ARHGAP24: variants seen among roughly 807,000 people sequenced by gnomAD.
The protein encoded by ARHGAP24 is Rho GTPase activating protein 24.
Under a neutral mutation model 76.4 loss-of-function variants are expected in ARHGAP24, and 50 were observed. The ratio of observed to expected loss-of-function variants is 0.65; its 90% CI spans 0.52 to 0.83. The LOEUF is 0.83. Among genes scored for constraint, ARHGAP24 ranks in the 40% least tolerant of loss-of-function variants. ARHGAP24 has a pLI of 0.00. For missense variants in ARHGAP24, 930 were observed against 914.2 expected, an observed-to-expected ratio of 1.02 and a Z score of -0.22; for synonymous variants, 345 against 323.3, an observed-to-expected ratio of 1.07 and a Z score of -0.72.
At chr4:85,491,800 G>A (rs537437528) in intron 1 of ARHGAP24, among the ~76,000 whole-genome samples, 3 of 152,280 alleles carry the variant, frequency 2.0e-5, no homozygotes, top group Non-Finnish European at 4.4e-5. Context: ...TTAGCCTCAA[G>A]TTGAACTCCC....
At chr4:85,620,551 C>CT (rs1360607537) in intron 2 of ARHGAP24, among the ~76,000 whole-genome samples, 10 of 151,438 alleles carry the variant, frequency 6.6e-5, no homozygotes, top group African/African-American at 2.2e-4. Flanking sequence ...TTAATCAAAT[C>CT]TTTCTAGCCA....
Position 85,972,136 on chromosome 4 carries a change from T to A in ARHGAP24, c.700T>A (p.Cys234Ser). The A allele has an allele frequency of 6.2e-7, 1 of 1,613,966 alleles. No individual in the cohort carries two copies. The highest frequency in any genetic ancestry group is 2.2e-5 in the East Asian group (1 of 44,878). ...PYAKYEDFLS[C>S]AKLLSKEEEA... ...TGCGAAGTATGAAGATTTTTTGTCA[T>A]GTGCCAAACTGCTCAGCAAGGAAGA... Residue 234 changes from cysteine (C) to serine (S), a missense_variant, in exon 6 of 10, where the codon TGT becomes AGT. Coordinates refer to ENST00000395184, the MANE Select transcript of ARHGAP24 (RefSeq NM_001025616.3).
At position 85,995,510 on chromosome 4, in the gene ARHGAP24, G is replaced by A. The variant is rs759004152; in HGVS notation, c.1856G>A (p.Arg619Gln). Residue 619 changes from arginine (R) to glutamine (Q), a missense_variant, in exon 9 of 10, where the codon CGA becomes CAA. Transcript: ENST00000395184. ...AGTGACCACAGGAGTGTGGGAGGTC[G>A]AAGTAGTCGTGCCACCAGTAGCAGT... is the stretch of plus-strand genomic sequence containing the variant. The part of the protein sequence containing the change: ...SKSDHRSVGG[R>Q]SSRATSSSDN... 13 of 1,603,400 alleles carry A rather than the reference G, an allele frequency of 8.1e-6. No individual in the cohort carries two copies. Among genetic ancestry groups the A allele is most frequent in the East Asian group, 6.7e-5 (3 of 44,776 alleles).
intron 2 of ARHGAP24, among the ~76,000 whole-genome samples, chr4:85,626,113 A>G (rs1177650362): frequency 6.6e-6 from 1 of 152,196 alleles, no homozygotes; most frequent in Non-Finnish European, 1.5e-5. Context: ...TCCTGTCATT[A>G]TGATGTTAGC....
intron 1 of ARHGAP24, among the ~76,000 whole-genome samples, chr4:85,566,125 G>A (rs1169565997): frequency 2.0e-5 from 3 of 152,150 alleles, no homozygotes; most frequent in Non-Finnish European, 4.4e-5. Flanking sequence ...TAATTTCTCA[G>A]TTCTGTTTTT....
rs11394803 is a variant in ARHGAP24 at position 85,894,099 on chromosome 4, TA to T, written c.269-29532del. Among the ~76,000 whole-genome samples, 324 of 131,324 alleles carry T rather than the reference TA, an allele frequency of 2.5e-3. 1 individual carries two copies. Among genetic ancestry groups the T allele is most frequent in the African/African-American group, 8.2e-3 (289 of 35,224 alleles). The allele number at this position is 131,324 out of a possible 152,430, so 86.2% of individuals were successfully genotyped here. ...ATGTACCCTAAAACTTAGAGTATAA[TA>T]AAAAAAAAAAAAAAAAGATTTCAGG... is the stretch of plus-strand genomic sequence containing the variant. On this transcript the variant is annotated intron_variant, in intron 3 of 9. Transcript: ENST00000395184.
At chr4:85,977,477 T>G (rs1238456138) in intron 7 of ARHGAP24, 93 bp from the exon 8 acceptor site, 1 of 1,415,306 alleles carries the variant, frequency 7.1e-7, no homozygotes, top group East Asian at 2.5e-5. Context: ...TCTTTGAACA[T>G]AACTTTAGTT....
intron 3 of ARHGAP24, among the ~76,000 whole-genome samples, chr4:85,840,554 T>A (rs1297659915): frequency 6.6e-6 from 1 of 152,184 alleles, no homozygotes; most frequent in East Asian, 1.9e-4. Flanking sequence ...AATTTGTCTG[T>A]CCCTCATAAC....
chr4:85,865,051 G>A (rs345349), intron 3 of ARHGAP24, among the ~76,000 whole-genome samples: 144,926 of 152,138 alleles, frequency 0.95, 69,481 homozygotes, highest in East Asian at 1. Context: ...TCCAACAGTC[G>A]TTAGGAGGCC....
chr4:85,522,804 T>C (rs1388623713), intron 1 of ARHGAP24, among the ~76,000 whole-genome samples: 1 of 152,208 alleles, frequency 6.6e-6, no homozygotes, highest in Non-Finnish European at 1.5e-5. Flanking sequence ...TGTGTCAGTT[T>C]ATCCGCATGA....
At chr4:85,732,556 A>G (rs1725445245) in intron 3 of ARHGAP24, among the ~76,000 whole-genome samples, 1 of 152,146 alleles carries the variant, frequency 6.6e-6, no homozygotes, top group Non-Finnish European at 1.5e-5. Flanking sequence ...CCAATAATGC[A>G]TCCCTAGGAC....
intron 8 of ARHGAP24, among the ~76,000 whole-genome samples, chr4:85,985,402 G>A (rs1172460943): frequency 1.3e-5 from 2 of 152,122 alleles, no homozygotes; most frequent in African/African-American, 4.8e-5. Context: ...AATACCTCAT[G>A]TTCTCACTTA....
chr4:85,797,014 G>A (rs1728369635), intron 3 of ARHGAP24, among the ~76,000 whole-genome samples: 1 of 152,188 alleles, frequency 6.6e-6, no homozygotes, highest in Non-Finnish European at 1.5e-5. Context: ...TGCTGGAGAA[G>A]CTGCCTGTGC....
intron 2 of ARHGAP24, among the ~76,000 whole-genome samples, chr4:85,590,234 CTT>C (rs1208902385): frequency 8.4e-6 from 1 of 118,486 alleles, no homozygotes; most frequent in Non-Finnish European, 1.8e-5. Context: ...TCCTTCCTTC[CTT>C]CCTTCCTCCC....
At chr4:85,493,960 C>T (rs1723456972) in intron 1 of ARHGAP24, among the ~76,000 whole-genome samples, 1 of 152,164 alleles carries the variant, frequency 6.6e-6, no homozygotes, top group African/African-American at 2.4e-5. Context: ...TACTTTTCTT[C>T]TCTTCCTCAT....
intron 5 of ARHGAP24, among the ~76,000 whole-genome samples, chr4:85,971,393 T>G (rs1057308741): frequency 6.6e-6 from 1 of 152,234 alleles, no homozygotes; most frequent in African/African-American, 2.4e-5. Flanking sequence ...ATTGTTTTCT[T>G]AAGTTAACAC....
intron 2 of ARHGAP24, among the ~76,000 whole-genome samples, chr4:85,637,037 G>T (rs1721332455): frequency 6.6e-6 from 1 of 152,038 alleles, no homozygotes; most frequent in South Asian, 2.1e-4. Context: ...ATAGTTAGAT[G>T]TGTAAGCAAT....
intron 4 of ARHGAP24, chr4:85,930,625 C>T: frequency 1.4e-5 from 15 of 1,079,006 alleles, no homozygotes; most frequent in Non-Finnish European, 1.7e-5. Context: ...TGGTAGCTTG[C>T]TTGCTGCAGT....
chr4:85,802,728 T>G (rs192323356), intron 3 of ARHGAP24, among the ~76,000 whole-genome samples: 181 of 152,076 alleles, frequency 1.2e-3, no homozygotes, highest in African/African-American at 4.2e-3. Flanking sequence ...GAGGCGGAGG[T>G]TGTGGTGAGC....
Sources: gnomAD v4.1 joint callset for allele counts (sites outside exome capture counted in the v4.1 genomes callset) on GRCh38, gnomAD v4.1.1 for gene constraint, MANE v1.5 for transcripts, NCBI Gene and HGNC (gene_info 2026-07-23, HGNC 2026-07-21) for gene names.